The following SHCBP1 variants were observed in gnomAD, a reference collection of about 807,000 sequenced individuals.
The protein encoded by SHCBP1 is SHC SH2 domain-binding protein 1.
In SHCBP1, 60 loss-of-function variants were observed where a neutral mutation model predicts 75.1. The observed-to-expected ratio is 0.80, with a 90% confidence interval of 0.65 to 0.99. The LOEUF is 0.99. SHCBP1 is among the 50% of genes least tolerant of loss of function. SHCBP1 has a pLI of 0.00. For missense variants in SHCBP1, 709 were observed against 809.4 expected (o/e 0.88, Z 1.50); for synonymous variants, 290 against 293.2 (o/e 0.99, Z 0.11).
At chr16:46,605,106 C>T (rs1965305787) in intron 5 of SHCBP1, among the ~76,000 whole-genome samples, 2 of 152,130 alleles carry the variant, frequency 1.3e-5, no homozygotes, top group South Asian at 4.2e-4. Context: ...AAAAAAGGTG[C>T]CATTACTAAT....
chr16:46,594,392 T>A (rs1448388473), intron 10 of SHCBP1, among the ~76,000 whole-genome samples: 1 of 152,020 alleles, frequency 6.6e-6, no homozygotes, highest in Admixed American at 6.6e-5. Flanking sequence ...CTCAAACCTC[T>A]ACAGTAAAGA....
chr16:46,582,147 C>T, intron 12 of SHCBP1, 93 bp from the exon 13 acceptor site: 1 of 1,343,614 alleles, frequency 7.4e-7, no homozygotes, highest in Non-Finnish European at 1.0e-6. Flanking sequence ...CAAGCAGCTG[C>T]CTTGCTTTCT....
intron 4 of SHCBP1, among the ~76,000 whole-genome samples, chr16:46,608,663 G>C (rs1965361344): frequency 6.7e-6 from 1 of 148,380 alleles, no homozygotes; most frequent in South Asian, 2.1e-4. Flanking sequence ...GAGTGCAATG[G>C]CGTGATCTTG....
In SHCBP1 at chr16:46,583,626, T is replaced by C; in HGVS notation, c.1583A>G (p.Lys528Arg). Residue 528 changes from lysine to arginine, a missense_variant, in exon 12 of 13, where the codon AAG (lysine) becomes AGG (arginine). Lys to Arg is a conservative substitution (Grantham distance 26). Coordinates refer to ENST00000303383, the MANE Select transcript of SHCBP1 (RefSeq NM_024745.5). ...TATTATATTATTCACCATGGATATC[T>C]TGGGAATGTCATAATGTTCATCTAA... ...DFLDEHYDIP[K>R]ISMVNNIIHN... 6.2e-7 allele frequency: 1 copy of C among 1,607,232 alleles called. No homozygotes were observed. Among genetic ancestry groups the C allele is most frequent in the East Asian group, 2.2e-5 (1 of 44,820 alleles).
intron 9 of SHCBP1, among the ~76,000 whole-genome samples, chr16:46,597,510 T>C (rs995843879): frequency 6.6e-6 from 1 of 152,248 alleles, no homozygotes; most frequent in Non-Finnish European, 1.5e-5. Flanking sequence ...GGCATTATGT[T>C]TTTTAACAAT....
rs976434222 is a variant in SHCBP1, at chr16:46,581,467, G to T, written c.*262C>A. On this transcript the variant is annotated 3_prime_UTR_variant, in exon 13 of 13. Transcript: ENST00000303383. The stretch of plus-strand genomic sequence containing the variant: ...AAAGTTACTACCAGGCTTAATATGA[G>T]AGAACCATGTGTATAAGAAAGCAAG... 4.9e-6 allele frequency: 2 copies of T among 408,282 alleles called. No homozygotes were observed. The highest frequency in any genetic ancestry group is 4.1e-5 in the African/African-American group (2 of 49,068). 25.3% of individuals were successfully genotyped at this position (408,282 alleles called of 1,614,324 possible).
At position 46,616,017 on chromosome 16, in the gene SHCBP1, C is replaced by T. The variant is rs138868468; in HGVS notation, c.525G>A (p.Leu175=). 4 of 1,614,210 alleles carry T rather than the reference C, an allele frequency of 2.5e-6. No homozygotes were observed. Among genetic ancestry groups the T allele is most frequent in the African/African-American group, 1.3e-5 (1 of 75,052 alleles). Residue 175 remains leucine, a synonymous_variant, in exon 4 of 13, where the codon CTG becomes CTA. Coordinates refer to ENST00000303383, the MANE Select transcript of SHCBP1 (RefSeq NM_024745.5). This position sits in a 1 kb window ranked among gnomAD's most constrained non-coding sequence, Gnocchi z 4.4. ...CATCAAACACCACCCACAGCTCCTG[C>T]AGGGGCAACCGATGCTCCTTCAGAT... The part of the protein sequence containing the change: ...LLDLKEHRLP[L]QELWVVFDDS...
intron 10 of SHCBP1, among the ~76,000 whole-genome samples, chr16:46,588,156 A>T (rs1016521215): frequency 6.6e-6 from 1 of 152,220 alleles, no homozygotes; most frequent in African/African-American, 2.4e-5. Context: ...AATCTCTGGG[A>T]CACATTTAAA....
chr16:46,590,052 A>C (rs1965018421), intron 10 of SHCBP1, among the ~76,000 whole-genome samples: 1 of 152,244 alleles, frequency 6.6e-6, no homozygotes, highest in African/African-American at 2.4e-5. Context: ...CAAACCTGAC[A>C]AAAACAAGAA....
At chr16:46,605,544 T>C (rs1387965409) in intron 5 of SHCBP1, among the ~76,000 whole-genome samples, 2 of 152,150 alleles carry the variant, frequency 1.3e-5, no homozygotes, top group African/African-American at 2.4e-5. Context: ...GATCTAATTA[T>C]GCCACTGTAC....
rs1204641185 is a variant in SHCBP1, at chr16:46,580,124, C to CA, written c.*1604dup. 2.1e-3 allele frequency among the ~76,000 whole-genome samples: 187 copies of CA among 87,080 alleles called. 1 individual carries two copies. In the Middle Eastern group the frequency reaches 0.034, roughly 16 times the overall value. The allele number at this position is 87,080 out of a possible 152,430, so 57.1% of individuals were successfully genotyped here. ...TGGGTGACAGAGCAAGACTCCATCT[C>CA]AAAAAAAAAAAAAAAGTGATTTTTT... On this transcript the variant is annotated 3_prime_UTR_variant, in exon 13 of 13. Coordinates refer to ENST00000303383, the MANE Select transcript of SHCBP1 (RefSeq NM_024745.5).
chr16:46,585,490 C>T (rs1964942443), intron 10 of SHCBP1, among the ~76,000 whole-genome samples: 1 of 152,078 alleles, frequency 6.6e-6, no homozygotes, highest in African/African-American at 2.4e-5. Flanking sequence ...GCTGAAGAAG[C>T]CAGCAATCCA....
chr16:46,601,134 C>A (rs980125798), intron 8 of SHCBP1, among the ~76,000 whole-genome samples: 1 of 152,062 alleles, frequency 6.6e-6, no homozygotes, highest in African/African-American at 2.4e-5. Flanking sequence ...CATGGAGAAA[C>A]CCTGTCTCTA....
chr16:46,612,745 G>A (rs927465307), intron 4 of SHCBP1, among the ~76,000 whole-genome samples: 1 of 151,988 alleles, frequency 6.6e-6, no homozygotes, highest in African/African-American at 2.4e-5. Flanking sequence ...TCTATTCCAT[G>A]ACTCGGCTCC....
At chr16:46,608,200 TGG>T in intron 5 of SHCBP1, 95 bp downstream of exon 5, 7 of 717,844 alleles carry the variant, frequency 9.8e-6, no homozygotes, top group Non-Finnish European at 1.2e-5. Flanking sequence ...TGAGTGAGTG[TGG>T]GTGTGTGTGT....
At chr16:46,617,013 TAG>T (rs1220167538) in intron 3 of SHCBP1, among the ~76,000 whole-genome samples, 1 of 152,224 alleles carries the variant, frequency 6.6e-6, no homozygotes, top group African/African-American at 2.4e-5. Context: ...TTTAGTTTAC[TAG>T]GGCTTTTTGT....
At position 46,580,755 on chromosome 16, in the gene SHCBP1, T is replaced by C. The variant is rs1171863299; in HGVS notation, c.*974A>G. Reference sequence around the variant, plus strand: ...CGGTAAGAGAAAAATACTTTTTTTTTTTTTTGAGACTGGGTCTCGCTCTGT... The same window carrying C: ...CGGTAAGAGAAAAATACTTTTTTTTCTTTTTGAGACTGGGTCTCGCTCTGT... On this transcript the variant is annotated 3_prime_UTR_variant, in exon 13 of 13. Transcript: ENST00000303383. The C allele has an allele frequency of 6.6e-6, 1 of 152,042 alleles. No individual in the cohort carries two copies. The highest frequency in any genetic ancestry group is 2.4e-5 in the African/African-American group (1 of 41,392). 9.4% of individuals were successfully genotyped at this position (152,042 alleles called of 1,614,324 possible).
In SHCBP1 at chr16:46,616,034, C is replaced by T; in HGVS notation, c.508G>A (p.Glu170Lys). 1 of 1,614,228 alleles carries T rather than the reference C, an allele frequency of 6.2e-7. No individual in the cohort carries two copies. The highest frequency in any genetic ancestry group is 8.5e-7 in the Non-Finnish European group (1 of 1,180,050). The change falls in exon 4 of 13, where the codon GAG becomes AAG. Residue 170 changes from glutamate (E) to lysine (K), a missense_variant. Coordinates refer to ENST00000303383, the MANE Select transcript of SHCBP1 (RefSeq NM_024745.5). The surrounding 1 kb of genome is among the most constrained non-coding windows in gnomAD (Gnocchi z 4.4). ...AGCTCCTGCAGGGGCAACCGATGCT[C>T]CTTCAGATCAAGGAGCTCCTTCATG... ...ECMKELLDLK[E>K]HRLPLQELWV...
intron 10 of SHCBP1, among the ~76,000 whole-genome samples, chr16:46,591,847 AGAT>A (rs1965052570): frequency 6.6e-6 from 1 of 152,162 alleles, no homozygotes; most frequent in Non-Finnish European, 1.5e-5. Context: ...AACAACAGAA[AGAT>A]AATAGTAAAA....
Sources: allele counts gnomAD v4.1 joint callset (sites outside exome capture counted in the v4.1 genomes callset), GRCh38; gene constraint gnomAD v4.1.1; non-coding constraint Gnocchi (gnomAD v3.1); transcripts MANE v1.5; gene names NCBI Gene and HGNC (gene_info 2026-07-23, HGNC 2026-07-21).